PRKCB: variants seen among roughly 807,000 people sequenced by gnomAD.
PRKCB encodes the protein protein kinase C beta type.
In PRKCB, 13 loss-of-function variants were observed where a neutral mutation model predicts 81.5. The observed-to-expected ratio is 0.16, with a 90% CI of 0.10 to 0.25. PRKCB has a LOEUF of 0.25. Ranked by LOEUF, PRKCB falls within the 10% of genes least tolerant of loss-of-function variation. PRKCB has a pLI of 1.00. For missense variants in PRKCB, 509 were observed against 875.7 expected (o/e 0.58, Z 5.29); for synonymous variants, 335 against 321.4 (o/e 1.04, Z -0.45).
intron 2 of PRKCB, among the ~76,000 whole-genome samples, chr16:23,863,215 CATACATATATATGTGTATATATAT>C (rs1567293424): frequency 1.7e-5 from 1 of 58,070 alleles, no homozygotes; most frequent in Non-Finnish European, 4.2e-5. Context: ...TGTATATATA[CATACATATATATGTGTATATATAT>C]ACATATATAT....
chr16:23,871,351 C>G (rs541948025), intron 2 of PRKCB, among the ~76,000 whole-genome samples: 1 of 152,212 alleles, frequency 6.6e-6, no homozygotes, highest in South Asian at 2.1e-4. Flanking sequence ...ATTTGCCTGC[C>G]CAGCAGAGAC....
chr16:23,910,953 GAAT>G (rs1963642099), intron 2 of PRKCB, among the ~76,000 whole-genome samples: 1 of 151,798 alleles, frequency 6.6e-6, no homozygotes. Flanking sequence ...TGGCTTCTTA[GAAT>G]AATGTTTTCA....
intron 2 of PRKCB, among the ~76,000 whole-genome samples, chr16:23,916,934 A>AT (rs56162380): frequency 8.7e-5 from 13 of 149,892 alleles, no homozygotes; most frequent in Non-Finnish European, 1.8e-4. Flanking sequence ...TGATTTTTGT[A>AT]TTTTTTTTTT....
chr16:24,096,652 CAAAAAAA>C lies in PRKCB; in HGVS notation c.821+2364_821+2370del, dbSNP rs1219127854. The stretch of plus-strand genomic sequence containing the variant: ...ATTTTATTTTGCTCCCTTCCTATGG[CAAAAAAA>C]AAAAAAAATATATATATATATATAT... On this transcript the variant is annotated intron_variant, in intron 7 of 16. Coordinates refer to ENST00000643927, the MANE Select transcript of PRKCB (RefSeq NM_002738.7). Among the ~76,000 whole-genome samples, 29 of 41,776 alleles carry C rather than the reference CAAAAAAA, an allele frequency of 6.9e-4. No individual in the cohort carries two copies. In the East Asian group the frequency reaches 8.2e-3, roughly 12 times the overall value. The allele number at this position is 41,776 out of a possible 152,430, so 27.4% of individuals were successfully genotyped here.
At chr16:24,141,669 T>C (rs942348022) in intron 9 of PRKCB, among the ~76,000 whole-genome samples, 14 of 152,216 alleles carry the variant, frequency 9.2e-5, no homozygotes, top group African/African-American at 3.4e-4. Flanking sequence ...GGGTACATAG[T>C]TCCTTTTCCC....
intron 12 of PRKCB, among the ~76,000 whole-genome samples, chr16:24,180,378 A>G (rs1300616353): frequency 6.6e-6 from 1 of 152,176 alleles, no homozygotes; most frequent in Non-Finnish European, 1.5e-5. Context: ...TTTTAGAGAT[A>G]TTTTAAAAAA....
At chr16:24,162,763 T>C (rs887601175) in intron 10 of PRKCB, among the ~76,000 whole-genome samples, 2 of 152,012 alleles carry the variant, frequency 1.3e-5, no homozygotes, top group African/African-American at 2.4e-5. Context: ...CTGGAGAGGA[T>C]TGTTGATGAG....
intron 1 of PRKCB, 85 bp downstream of exon 1, chr16:23,836,433 TCCGCGCC>T: frequency 9.8e-6 from 1 of 102,274 alleles, no homozygotes; most frequent in Non-Finnish European, 1.4e-5. Context: ...CTCTGCGCCC[TCCGCGCC>T]CTCCGCACCC....
At chr16:23,902,716 C>A in intron 2 of PRKCB, among the ~76,000 whole-genome samples, 1 of 93,450 alleles carries the variant, frequency 1.1e-5, no homozygotes, top group Non-Finnish European at 2.1e-5. Flanking sequence ...AAAAGTTTTT[C>A]CCTCCCTCCC....
At chr16:24,151,679 C>A in intron 9 of PRKCB, 1 of 405,480 alleles carries the variant, frequency 2.5e-6, no homozygotes. Flanking sequence ...CAGTGGGAGT[C>A]GAATGTTCAA....
intron 2 of PRKCB, chr16:23,963,419 A>G (rs538030599): frequency 6.6e-6 from 1 of 152,338 alleles, no homozygotes; most frequent in East Asian, 1.9e-4. Flanking sequence ...AACATAATCA[A>G]CTCTCAACAA....
intron 2 of PRKCB, among the ~76,000 whole-genome samples, chr16:23,935,252 A>G (rs564652875): frequency 1.3e-5 from 2 of 152,306 alleles, no homozygotes; most frequent in East Asian, 3.9e-4. Flanking sequence ...GAGCAGCAGT[A>G]TTCATTAAAG....
intron 9 of PRKCB, among the ~76,000 whole-genome samples, chr16:24,144,256 A>G (rs1171016366): frequency 6.6e-6 from 1 of 152,132 alleles, no homozygotes; most frequent in Non-Finnish European, 1.5e-5. Context: ...TCTATAAAGT[A>G]TATATGCATA....
At chr16:23,971,452 C>T (rs575258447) in intron 2 of PRKCB, among the ~76,000 whole-genome samples, 1 of 152,270 alleles carries the variant, frequency 6.6e-6, no homozygotes, top group South Asian at 2.1e-4. Context: ...CTTCTTTGTC[C>T]TACTCTGTGT....
intron 4 of PRKCB, among the ~76,000 whole-genome samples, chr16:24,032,541 G>A (rs952188700): frequency 1.3e-5 from 2 of 152,220 alleles, no homozygotes; most frequent in Admixed American, 6.5e-5. Context: ...TGGTGGATTA[G>A]CAGATGGAGG....
intron 2 of PRKCB, among the ~76,000 whole-genome samples, chr16:23,861,234 A>G (rs1374981557): frequency 6.6e-6 from 1 of 151,906 alleles, no homozygotes; most frequent in African/African-American, 2.4e-5. Flanking sequence ...AGTGGCACAA[A>G]CACAGCTCAC....
At chr16:23,949,535 C>G (rs989091680) in intron 2 of PRKCB, among the ~76,000 whole-genome samples, 7 of 152,196 alleles carry the variant, frequency 4.6e-5, no homozygotes, top group Admixed American at 3.9e-4. Context: ...TACCTTCTAT[C>G]GTTTTATTCT....
rs1402100403 is a variant in PRKCB, at chr16:24,035,523, G to A, written c.505G>A (p.Asp169Asn). Residue 169 changes from aspartate to asparagine, a missense_variant, in exon 5 of 17, where the codon GAC becomes AAC. By Grantham distance (23) the Asp-to-Asn change is conservative. This residue lies in a region of PRKCB where 184 missense variants were observed against 362.9 expected (regional missense o/e 0.51). Coordinates refer to ENST00000643927, the MANE Select transcript of PRKCB (RefSeq NM_002738.7). ...CCGCATCTACATCCAGGCCCACATC[G>A]ACAGGGACGTCCTCATTGTCCTCGG... Reference protein sequence around the residue: ...RGRIYIQAHIDRDVLIVLVRD... With the variant: ...RGRIYIQAHINRDVLIVLVRD... The A allele has an allele frequency of 3.7e-6, 6 of 1,613,712 alleles. No homozygotes were observed. The East Asian group carries it at 1.1e-4, about 30-fold the overall frequency.
chr16:23,980,611 G>A (rs962483356), intron 2 of PRKCB, among the ~76,000 whole-genome samples: 6 of 152,106 alleles, frequency 3.9e-5, no homozygotes, highest in Non-Finnish European at 7.3e-5. Flanking sequence ...CAGAAACTTA[G>A]CCTGTAATTC....
Sources: allele counts gnomAD v4.1 joint callset (sites outside exome capture counted in the v4.1 genomes callset), GRCh38; gene constraint gnomAD v4.1.1; regional missense constraint gnomAD v4.1.1; transcripts MANE v1.5; gene names NCBI Gene and HGNC (gene_info 2026-07-23, HGNC 2026-07-21).